HSD17B12: variants seen among roughly 807,000 people sequenced by gnomAD.
HSD17B12 encodes hydroxysteroid 17-beta dehydrogenase 12.
A neutral mutation model predicts 39.3 loss-of-function variants in HSD17B12; 32 were observed. The ratio of observed to expected loss-of-function variants is 0.81; its 90% CI spans 0.61 to 1.09. HSD17B12 has a LOEUF of 1.09. HSD17B12 is among the 50% of genes least tolerant of loss of function. The probability of loss-of-function intolerance (pLI) is 0.00; values close to 1 mark genes in which losing one functional copy is unlikely to be tolerated. For synonymous variants in HSD17B12, 150 were observed against 146.7 expected (o/e 1.02, Z -0.16); for missense variants, 342 against 382.9 (o/e 0.89, Z 0.89).
chr11:43,695,305 G>A (rs180820748), intron 1 of HSD17B12, among the ~76,000 whole-genome samples: 3,249 of 152,278 alleles, frequency 0.021, 336 homozygotes, highest in Admixed American at 0.18. Flanking sequence ...TTGGCCGGGC[G>A]TGGTGGCTCG....
intron 4 of HSD17B12, among the ~76,000 whole-genome samples, chr11:43,806,904 G>T (rs1274399242): frequency 4.6e-5 from 7 of 152,148 alleles, no homozygotes; most frequent in Admixed American, 4.6e-4. Context: ...TTATATGAAT[G>T]TACCAAATTA....
At chr11:43,672,554 T>A in the HSD17B12 span, among the ~76,000 whole-genome samples, 3 of 152,098 alleles carry the variant, frequency 2.0e-5, no homozygotes, top group African/African-American at 7.2e-5. Flanking sequence ...GTGTTTTTGT[T>A]TGTTTGTTTT....
At chr11:43,563,109 G>A in the HSD17B12 span, among the ~76,000 whole-genome samples, 1 of 152,126 alleles carries the variant, frequency 6.6e-6, no homozygotes, top group Non-Finnish European at 1.5e-5. Context: ...ATCTCCTAGT[G>A]GAGGACAGAA....
intron 1 of HSD17B12, among the ~76,000 whole-genome samples, chr11:43,691,097 TGG>T (rs1949858431): frequency 6.6e-6 from 1 of 152,250 alleles, no homozygotes; most frequent in African/African-American, 2.4e-5. Context: ...CAGCGTGTTC[TGG>T]ACTTCCTTAT....
At chr11:43,627,703 T>C in the HSD17B12 span, among the ~76,000 whole-genome samples, 3 of 152,108 alleles carry the variant, frequency 2.0e-5, no homozygotes, top group African/African-American at 7.2e-5. Flanking sequence ...TCATTTTGCC[T>C]CTTATAAAAA....
chr11:43,817,113 C>G (rs1951137725), intron 6 of HSD17B12, among the ~76,000 whole-genome samples: 1 of 149,700 alleles, frequency 6.7e-6, no homozygotes, highest in Non-Finnish European at 1.5e-5. Flanking sequence ...AACATTTTTT[C>G]ATATGTTTGT....
At chr11:43,558,238 A>G in the HSD17B12 span, among the ~76,000 whole-genome samples, 1 of 152,034 alleles carries the variant, frequency 6.6e-6, no homozygotes, top group Non-Finnish European at 1.5e-5. Flanking sequence ...GCTTTTGAAC[A>G]TCAGCCATTT....
intron 1 of HSD17B12, among the ~76,000 whole-genome samples, chr11:43,743,302 A>C (rs1308519883): frequency 6.6e-6 from 1 of 152,200 alleles, no homozygotes; most frequent in Non-Finnish European, 1.5e-5. Flanking sequence ...AGGCTGGAAG[A>C]ATAAGAAATG....
the HSD17B12 span, among the ~76,000 whole-genome samples, chr11:43,596,602 T>C: frequency 6.6e-6 from 1 of 151,852 alleles, no homozygotes; most frequent in Non-Finnish European, 1.5e-5. Flanking sequence ...CTGGCTAATT[T>C]TTTTTTCTTT....
intron 3 of HSD17B12, chr11:43,754,981 A>T: frequency 1.5e-6 from 1 of 675,612 alleles, no homozygotes; most frequent in Non-Finnish European, 2.7e-6. Context: ...GGTAAAACAT[A>T]CTAACTGATG....
the HSD17B12 span, among the ~76,000 whole-genome samples, chr11:43,641,346 A>G: frequency 6.6e-6 from 1 of 151,998 alleles, no homozygotes; most frequent in Non-Finnish European, 1.5e-5. Flanking sequence ...AATAAAAGTT[A>G]TGATTCTGGC....
rs530840305 is a variant in HSD17B12, at chr11:43,698,609, T to C, written c.160+17622T>C. Among the ~76,000 whole-genome samples, 16 of 152,328 alleles carry C rather than the reference T, an allele frequency of 1.1e-4. No individual in the cohort carries two copies. The South Asian group carries it at 1.2e-3, about 12-fold the overall frequency. On this transcript the variant is annotated intron_variant, in intron 1 of 10. Coordinates refer to ENST00000278353, the MANE Select transcript of HSD17B12 (RefSeq NM_016142.3). ...CTCATCTTCCCACCTTTGGCACTTA[T>C]TAGTGTGGAATCTTTGATCAGCTAT... is the stretch of plus-strand genomic sequence containing the variant.
intron 3 of HSD17B12, among the ~76,000 whole-genome samples, chr11:43,755,717 C>A (rs1950502630): frequency 6.6e-6 from 1 of 152,140 alleles, no homozygotes; most frequent in South Asian, 2.1e-4. Context: ...TCCTTTGATT[C>A]TTCCAACATA....
the HSD17B12 span, among the ~76,000 whole-genome samples, chr11:43,667,808 T>C: frequency 6.6e-6 from 1 of 152,198 alleles, no homozygotes; most frequent in East Asian, 1.9e-4. Context: ...AAGTTTTGGA[T>C]TTTGGAGTAT....
chr11:43,569,293 G>A, the HSD17B12 span: 5 of 152,198 alleles, frequency 3.3e-5, no homozygotes, highest in Admixed American at 6.5e-5. Context: ...TGTCATAATG[G>A]TATCAGAATG....
intron 2 of HSD17B12, among the ~76,000 whole-genome samples, chr11:43,751,919 T>G (rs1950468333): frequency 6.6e-6 from 1 of 152,202 alleles, no homozygotes; most frequent in Non-Finnish European, 1.5e-5. Context: ...CGTGACACAA[T>G]ACTGTTGCAT....
the HSD17B12 span, among the ~76,000 whole-genome samples, chr11:43,615,445 T>C: frequency 6.6e-6 from 1 of 152,186 alleles, no homozygotes; most frequent in South Asian, 2.1e-4. Context: ...TTTCTGGAAC[T>C]CTCTCTCTGC....
intron 1 of HSD17B12, among the ~76,000 whole-genome samples, chr11:43,730,620 GTTTAT>G (rs1388712733): frequency 6.6e-6 from 1 of 152,156 alleles, no homozygotes; most frequent in East Asian, 1.9e-4. Flanking sequence ...TATATAAACT[GTTTAT>G]TAAACTATCT....
intron 1 of HSD17B12, among the ~76,000 whole-genome samples, chr11:43,708,222 CA>C (rs1474725730): frequency 6.6e-6 from 1 of 152,108 alleles, no homozygotes; most frequent in Non-Finnish European, 1.5e-5. Context: ...ACTTTTAACA[CA>C]AATAAAAGCT....
Sources: gnomAD v4.1 joint callset for allele counts (sites outside exome capture counted in the v4.1 genomes callset) on GRCh38, gnomAD v4.1.1 for gene constraint, MANE v1.5 for transcripts, NCBI Gene and HGNC (gene_info 2026-07-23, HGNC 2026-07-21) for gene names.